CTNND2: variants seen among roughly 807,000 people sequenced by gnomAD.
The protein encoded by CTNND2 is catenin delta 2.
In CTNND2, 22 loss-of-function variants were observed where a neutral mutation model predicts 144.4. The observed-to-expected ratio is 0.15, with a 90% CI of 0.11 to 0.22. The LOEUF is 0.22. Ranked by LOEUF, CTNND2 falls within the 10% of genes least tolerant of loss-of-function variation. CTNND2 has a pLI of 1.00. For synonymous variants in CTNND2, 751 were observed against 695.6 expected, an observed-to-expected ratio of 1.08 and a Z score of -1.25; for missense variants, 1,353 against 1,618.8, an observed-to-expected ratio of 0.84 and a Z score of 2.82.
chr5:11,330,916 C>A (rs1283619522), intron 9 of CTNND2, among the ~76,000 whole-genome samples: 1 of 152,028 alleles, frequency 6.6e-6, no homozygotes, highest in Non-Finnish European at 1.5e-5. Context: ...TTCCTAGAGG[C>A]CCATTTTACA....
At chr5:11,116,239 C>A (rs1441353642) in intron 13 of CTNND2, among the ~76,000 whole-genome samples, 1 of 152,150 alleles carries the variant, frequency 6.6e-6, no homozygotes, top group Non-Finnish European at 1.5e-5. Context: ...ATAACCAGGG[C>A]CAATTTTGCT....
intron 3 of CTNND2, among the ~76,000 whole-genome samples, chr5:11,446,604 A>G (rs1195167175): frequency 6.6e-6 from 1 of 152,122 alleles, no homozygotes; most frequent in Non-Finnish European, 1.5e-5. Flanking sequence ...AAAGGTTGCA[A>G]AAGATAGGTT....
intron 11 of CTNND2, among the ~76,000 whole-genome samples, chr5:11,187,316 T>C (rs1193209213): frequency 6.6e-6 from 1 of 152,150 alleles, no homozygotes; most frequent in Admixed American, 6.5e-5. Flanking sequence ...TACAACCATC[T>C]GATCTTTGAC....
At chr5:11,624,496 T>C (rs1044255071) in intron 2 of CTNND2, among the ~76,000 whole-genome samples, 5 of 152,254 alleles carry the variant, frequency 3.3e-5, no homozygotes, top group Admixed American at 6.5e-5. Flanking sequence ...ATTGTATTCA[T>C]GGACAATGAT....
chr5:11,163,344 A>C (rs1053136655), intron 11 of CTNND2, among the ~76,000 whole-genome samples: 3 of 152,238 alleles, frequency 2.0e-5, no homozygotes, highest in Admixed American at 1.3e-4. Context: ...TTCAGCCGAA[A>C]TTTTGGAAGT....
chr5:11,858,736 T>C (rs572221063), intron 1 of CTNND2, among the ~76,000 whole-genome samples: 1 of 152,210 alleles, frequency 6.6e-6, no homozygotes, highest in Non-Finnish European at 1.5e-5. Flanking sequence ...GAGACCATCC[T>C]GGCTAACACG....
At chr5:11,831,666 C>CA (rs61030048) in intron 1 of CTNND2, among the ~76,000 whole-genome samples, 12,485 of 99,000 alleles carry the variant, frequency 0.13, 1,197 homozygotes, top group African/African-American at 0.3. Flanking sequence ...GACTCTGTAT[C>CA]AAAAAAAAAA....
At chr5:11,682,683 T>C (rs886789623) in intron 2 of CTNND2, among the ~76,000 whole-genome samples, 1 of 152,164 alleles carries the variant, frequency 6.6e-6, no homozygotes, top group African/African-American at 2.4e-5. Flanking sequence ...TTATTCTTAA[T>C]TGCAATACAG....
In CTNND2 at chr5:11,479,890, T is replaced by C. The variant is rs540842063; in HGVS notation, c.288-67821A>G. Among the ~76,000 whole-genome samples, 5 of 152,324 alleles carry C rather than the reference T, an allele frequency of 3.3e-5. No individual in the cohort carries two copies. The South Asian group carries it at 6.2e-4, about 19-fold the overall frequency. On this transcript the variant is annotated intron_variant, in intron 3 of 21. Coordinates refer to ENST00000304623, the MANE Select transcript of CTNND2 (RefSeq NM_001332.4). ...GTTCTTATAAATTGGTTAAGTTCCT[T>C]ATAGATGTTGAATATTGGATCTTTG...
chr5:11,573,764 C>T (rs918267377), intron 2 of CTNND2, among the ~76,000 whole-genome samples: 1 of 152,136 alleles, frequency 6.6e-6, no homozygotes, highest in Non-Finnish European at 1.5e-5. Flanking sequence ...TCATAAGCAC[C>T]TTTCCAGAAC....
chr5:11,497,498 A>T (rs907756122), intron 3 of CTNND2, among the ~76,000 whole-genome samples: 1 of 78,080 alleles, frequency 1.3e-5, no homozygotes, highest in African/African-American at 5.2e-5. Flanking sequence ...TCCATGAGGC[A>T]AAGAATGATG....
At chr5:11,770,179 G>A (rs1789836387) in intron 1 of CTNND2, among the ~76,000 whole-genome samples, 1 of 152,108 alleles carries the variant, frequency 6.6e-6, no homozygotes, top group African/African-American at 2.4e-5. Context: ...GACCTCACGG[G>A]CATCACAGAC....
intron 10 of CTNND2, among the ~76,000 whole-genome samples, chr5:11,199,906 T>C (rs957360881): frequency 6.6e-6 from 1 of 152,210 alleles, no homozygotes; most frequent in Non-Finnish European, 1.5e-5. Flanking sequence ...GGAAAGGTGA[T>C]TTTAACTTCA....
intron 1 of CTNND2, among the ~76,000 whole-genome samples, chr5:11,796,760 C>T (rs1213615275): frequency 6.6e-6 from 1 of 152,138 alleles, no homozygotes; most frequent in African/African-American, 2.4e-5. Flanking sequence ...TATATAAAAA[C>T]TAAACCTCAA....
intron 9 of CTNND2, among the ~76,000 whole-genome samples, chr5:11,296,235 C>T (rs973528757): frequency 2.6e-5 from 4 of 151,954 alleles, no homozygotes; most frequent in Non-Finnish European, 4.4e-5. Flanking sequence ...TGAAAAAATG[C>T]TCACCATCAC....
chr5:11,156,080 T>G (rs1476307320), intron 12 of CTNND2, among the ~76,000 whole-genome samples: 1 of 152,128 alleles, frequency 6.6e-6, no homozygotes, highest in Admixed American at 6.6e-5. Flanking sequence ...TGGTACAATA[T>G]CCACTGCCTA....
At chr5:11,096,797 G>A (rs931409407) in intron 15 of CTNND2, among the ~76,000 whole-genome samples, 1 of 146,670 alleles carries the variant, frequency 6.8e-6, no homozygotes, top group African/African-American at 2.4e-5. Flanking sequence ...GGAAGAGAGA[G>A]AGAGACAGAG....
intron 3 of CTNND2, among the ~76,000 whole-genome samples, chr5:11,543,669 T>A (rs966572727): frequency 6.6e-6 from 1 of 151,778 alleles, no homozygotes; most frequent in African/African-American, 2.4e-5. Flanking sequence ...GCAGTTCTTT[T>A]AATGATAAAG....
chr5:11,007,135 G>A (rs973233976), intron 18 of CTNND2, among the ~76,000 whole-genome samples: 10 of 152,158 alleles, frequency 6.6e-5, no homozygotes, highest in African/African-American at 2.4e-4. Flanking sequence ...GATCCAGCAG[G>A]TACTCAGTAA....
Sources: gnomAD v4.1 joint callset for allele counts (sites outside exome capture counted in the v4.1 genomes callset) on GRCh38, gnomAD v4.1.1 for gene constraint, MANE v1.5 for transcripts, NCBI Gene and HGNC (gene_info 2026-07-23, HGNC 2026-07-21) for gene names.